EPHA6: variants seen among roughly 807,000 people sequenced by gnomAD.
EPHA6 encodes the protein EPH receptor A6.
EPHA6 carries 50 observed loss-of-function variants against 112.0 expected under a neutral mutation model. The observed-to-expected ratio is 0.45, with a 90% CI of 0.36 to 0.56. The LOEUF is 0.56. EPHA6 is among the 20% of genes least tolerant of loss of function. The pLI, the probability that EPHA6 is intolerant of heterozygous loss-of-function variation, is 0.00. For synonymous variants in EPHA6, 529 were observed against 490.7 expected (o/e 1.08, Z -1.03); for missense variants, 1,280 against 1,417.4 (o/e 0.90, Z 1.56).
intron 4 of EPHA6, among the ~76,000 whole-genome samples, chr3:97,230,423 T>C (rs1028808769): frequency 6.6e-6 from 1 of 152,180 alleles, no homozygotes; most frequent in Non-Finnish European, 1.5e-5. Context: ...TTGCTATCAT[T>C]TCTAATTTCC....
intron 5 of EPHA6, among the ~76,000 whole-genome samples, chr3:97,254,331 G>A (rs1350621104): frequency 6.6e-6 from 1 of 152,052 alleles, no homozygotes; most frequent in African/African-American, 2.4e-5. Flanking sequence ...TGGGACTATA[G>A]GCGCATGCCA....
chr3:97,103,008 CT>C (rs1349161073), intron 3 of EPHA6, among the ~76,000 whole-genome samples: 1 of 151,886 alleles, frequency 6.6e-6, no homozygotes, highest in African/African-American at 2.4e-5. Flanking sequence ...ATTTATGTTT[CT>C]TATAGATGCT....
At chr3:97,687,860 G>A (rs1347712495) in intron 14 of EPHA6, among the ~76,000 whole-genome samples, 1 of 152,158 alleles carries the variant, frequency 6.6e-6, no homozygotes, top group African/African-American at 2.4e-5. Flanking sequence ...GACCCAGGTT[G>A]CAGGAGCAGC....
rs1559815855 is a variant in EPHA6, at chr3:96,902,953, C to A, written c.450+36064C>A. Among the ~76,000 whole-genome samples, 13 of 152,238 alleles carry A rather than the reference C, an allele frequency of 8.5e-5. No individual in the cohort carries two copies. In the South Asian group the frequency reaches 2.5e-3, roughly 29 times the overall value. On this transcript the variant is annotated intron_variant, in intron 2 of 17. Transcript: ENST00000389672. Reference sequence around the variant, plus strand: ...GAGAGAAGTCTGCCTCTGTGGTGCTCACACTTTAGCAATGAGCAAGAAAAT... The same window carrying A: ...GAGAGAAGTCTGCCTCTGTGGTGCTAACACTTTAGCAATGAGCAAGAAAAT...
intron 5 of EPHA6, among the ~76,000 whole-genome samples, chr3:97,265,018 C>T (rs1290420957): frequency 6.6e-6 from 1 of 152,214 alleles, no homozygotes; most frequent in Non-Finnish European, 1.5e-5. Flanking sequence ...CTCTTTGCAG[C>T]TGGTCATCCT....
chr3:96,923,181 G>A (rs1325677210), intron 2 of EPHA6, among the ~76,000 whole-genome samples: 1 of 152,140 alleles, frequency 6.6e-6, no homozygotes, highest in Admixed American at 6.6e-5. Flanking sequence ...GGATCAAATG[G>A]TATTTCTGCC....
chr3:97,468,328 T>C (rs1196245853), intron 7 of EPHA6, among the ~76,000 whole-genome samples: 1 of 151,604 alleles, frequency 6.6e-6, no homozygotes, highest in Non-Finnish European at 1.5e-5. Context: ...GCATCAAATA[T>C]TGAATGAATG....
intron 5 of EPHA6, among the ~76,000 whole-genome samples, chr3:97,323,223 T>A (rs1310593907): frequency 6.6e-6 from 1 of 151,976 alleles, no homozygotes; most frequent in African/African-American, 2.4e-5. Flanking sequence ...AAGTTCTGCA[T>A]AAATTCTGAA....
chr3:96,990,284 A>G (rs2043168390), intron 3 of EPHA6, among the ~76,000 whole-genome samples: 1 of 152,094 alleles, frequency 6.6e-6, no homozygotes, highest in Non-Finnish European at 1.5e-5. Context: ...AATTTCTTCT[A>G]TGATTTGGCA....
In EPHA6 at chr3:97,750,708, T is replaced by G. The variant is rs1264716588; in HGVS notation, c.*2007T>G. Among the ~76,000 whole-genome samples the G allele has an allele frequency of 2.0e-5, 3 of 152,168 alleles. No homozygotes were observed. The highest frequency in any genetic ancestry group is 4.4e-5 in the Non-Finnish European group (3 of 68,030). On this transcript the variant is annotated 3_prime_UTR_variant, in exon 18 of 18. Transcript: ENST00000389672. Reference sequence around the variant, plus strand: ...ATCGTCCCATTATACTAGACCCTTCTACATATTTTCTTTTGCTGACTTGTC... The same window carrying G: ...ATCGTCCCATTATACTAGACCCTTCGACATATTTTCTTTTGCTGACTTGTC...
chr3:97,349,705 C>T (rs1198603882), intron 5 of EPHA6, among the ~76,000 whole-genome samples: 1 of 151,910 alleles, frequency 6.6e-6, no homozygotes, highest in Non-Finnish European at 1.5e-5. Context: ...GTGCCTGGAT[C>T]CAAGGAAAAG....
rs146128168 is a variant in EPHA6 at position 97,649,343 on chromosome 3, A to G, written c.2784+11261A>G. On this transcript the variant is annotated intron_variant, in intron 14 of 17. Transcript: ENST00000389672. ...GGGGAAACCACCCCATGATTCAATT[A>G]TCTCCACCTGGCCCCACCCTTGACA... 7.7e-3 allele frequency among the ~76,000 whole-genome samples: 1,167 copies of G among 152,130 alleles called. 14 individuals carry two copies. Among genetic ancestry groups the G allele is most frequent in the African/African-American group, 0.026 (1,081 of 41,518 alleles).
chr3:97,564,532 C>G (rs1010707038), intron 11 of EPHA6, among the ~76,000 whole-genome samples: 21 of 151,972 alleles, frequency 1.4e-4, no homozygotes, highest in African/African-American at 5.1e-4. Context: ...ATTAAAGGGT[C>G]AACTTTATTA....
intron 3 of EPHA6, among the ~76,000 whole-genome samples, chr3:97,110,177 C>T (rs2047681534): frequency 6.6e-6 from 1 of 152,038 alleles, no homozygotes; most frequent in Non-Finnish European, 1.5e-5. Flanking sequence ...TATTTTCATT[C>T]ATAGGGATAA....
At chr3:97,385,959 T>A (rs922865796) in intron 5 of EPHA6, among the ~76,000 whole-genome samples, 1 of 152,046 alleles carries the variant, frequency 6.6e-6, no homozygotes, top group African/African-American at 2.4e-5. Context: ...ACATTTAAGA[T>A]TACAATTTGA....
chr3:97,728,171 C>G (rs1401804074), intron 15 of EPHA6, among the ~76,000 whole-genome samples: 7 of 151,810 alleles, frequency 4.6e-5, no homozygotes. Flanking sequence ...TTTTCCATAG[C>G]TTTTAGATAT....
intron 5 of EPHA6, among the ~76,000 whole-genome samples, chr3:97,394,609 G>A (rs2086599037): frequency 6.6e-6 from 1 of 151,612 alleles, no homozygotes; most frequent in South Asian, 2.1e-4. Flanking sequence ...TGTTAAATGG[G>A]CAAAATATCT....
chr3:97,051,976 ATAG>A (rs1310357199), intron 3 of EPHA6, among the ~76,000 whole-genome samples: 1 of 152,168 alleles, frequency 6.6e-6, no homozygotes, highest in Non-Finnish European at 1.5e-5. Context: ...AATTAAAATA[ATAG>A]TAATGTTTAA....
At chr3:97,189,600 C>T (rs1394660990) in intron 3 of EPHA6, among the ~76,000 whole-genome samples, 1 of 151,962 alleles carries the variant, frequency 6.6e-6, no homozygotes, top group African/African-American at 2.4e-5. Context: ...ATTTATGTAA[C>T]CTCAGAAATG....
Sources: gnomAD v4.1 joint callset for allele counts (sites outside exome capture counted in the v4.1 genomes callset) on GRCh38, gnomAD v4.1.1 for gene constraint, MANE v1.5 for transcripts, NCBI Gene and HGNC (gene_info 2026-07-23, HGNC 2026-07-21) for gene names.